Variants in UST observed in about 807,000 individuals in gnomAD.
UST encodes the protein chondroitin sulfate 2-O-sulfotransferase.
UST carries 21 observed loss-of-function variants against 45.6 expected under a neutral mutation model. The observed-to-expected ratio is 0.46, with a 90% confidence interval of 0.33 to 0.66. UST has a LOEUF of 0.66. Ranked by LOEUF, UST falls within the 30% of genes least tolerant of loss-of-function variation. UST has a pLI of 0.02. For missense variants in UST, 463 were observed against 512.4 expected (o/e 0.90, Z 0.93); for synonymous variants, 215 against 200.6 (o/e 1.07, Z -0.61).
At chr6:148,982,448 T>G (rs992626341) in intron 5 of UST, among the ~76,000 whole-genome samples, 4 of 152,090 alleles carry the variant, frequency 2.6e-5, no homozygotes, top group Admixed American at 6.5e-5. Flanking sequence ...AGGGAAGAGA[T>G]CCCATGGCCC....
chr6:148,792,312 C>T (rs1478272488), intron 1 of UST, among the ~76,000 whole-genome samples: 1 of 152,158 alleles, frequency 6.6e-6, no homozygotes, highest in Non-Finnish European at 1.5e-5. Context: ...GACCAAAAAG[C>T]AAGAGGCTGC....
At chr6:148,823,018 G>T (rs1264497894) in intron 1 of UST, among the ~76,000 whole-genome samples, 1 of 152,200 alleles carries the variant, frequency 6.6e-6, no homozygotes, top group Non-Finnish European at 1.5e-5. Flanking sequence ...GTGGGTATAT[G>T]TGCACATGTG....
In UST at chr6:148,772,877, A is replaced by G. The variant is rs539207012; in HGVS notation, c.247+25200A>G. Among the ~76,000 whole-genome samples the G allele has an allele frequency of 5.9e-5, 9 of 152,314 alleles. No individual in the cohort carries two copies. In the East Asian group the frequency reaches 1.4e-3, roughly 23 times the overall value. On this transcript the variant is annotated intron_variant, in intron 1 of 7. Coordinates refer to ENST00000367463, the MANE Select transcript of UST (RefSeq NM_005715.3). The stretch of plus-strand genomic sequence containing the variant: ...TAAGAAAAGATCAAACATACTTCCA[A>G]TTTTACAATAGTTGTCAATTAGAGG...
intron 1 of UST, among the ~76,000 whole-genome samples, chr6:148,780,214 T>A (rs6920122): frequency 0.61 from 93,025 of 151,822 alleles, 28,652 homozygotes; most frequent in Middle Eastern, 0.7. Flanking sequence ...CATTTTAAAA[T>A]AGTAAATGGA....
intron 3 of UST, among the ~76,000 whole-genome samples, chr6:148,947,289 A>G (rs949645312): frequency 7.9e-5 from 12 of 152,196 alleles, no homozygotes; most frequent in African/African-American, 2.4e-4. Flanking sequence ...TAGCGTTCCA[A>G]TAATGGAACA....
intron 2 of UST, among the ~76,000 whole-genome samples, chr6:148,936,491 G>A (rs1348531905): frequency 1.4e-5 from 2 of 147,798 alleles, no homozygotes; most frequent in African/African-American, 5.0e-5. Context: ...GTTTCATTCT[G>A]TATTGTTAAA....
chr6:148,817,883 A>G (rs541030163), intron 1 of UST, among the ~76,000 whole-genome samples: 2 of 152,312 alleles, frequency 1.3e-5, no homozygotes, highest in African/African-American at 4.8e-5. Flanking sequence ...TCATTCAGAC[A>G]GATGGGGGAC....
chr6:148,846,260 T>C (rs1453656582), intron 1 of UST, among the ~76,000 whole-genome samples: 1 of 151,474 alleles, frequency 6.6e-6, no homozygotes, highest in East Asian at 1.9e-4. Context: ...TGGAATACTA[T>C]GCAGCCATAA....
chr6:148,853,472 T>C (rs571455418), intron 1 of UST, among the ~76,000 whole-genome samples: 2 of 152,354 alleles, frequency 1.3e-5, no homozygotes, highest in South Asian at 4.1e-4. Context: ...TTTGGGTGTA[T>C]ACCCAGTAAA....
At chr6:148,910,971 C>T (rs1360831444) in intron 2 of UST, among the ~76,000 whole-genome samples, 5 of 152,136 alleles carry the variant, frequency 3.3e-5, no homozygotes, top group Non-Finnish European at 7.3e-5. Context: ...CTTGTCCAGG[C>T]GCTGTCCTCT....
At chr6:148,819,940 C>T (rs866387930) in intron 1 of UST, among the ~76,000 whole-genome samples, 2 of 152,284 alleles carry the variant, frequency 1.3e-5, no homozygotes, top group Non-Finnish European at 2.9e-5. Context: ...GCTTTTTCCA[C>T]GAGCTGCTAT....
At chr6:148,870,361 G>A (rs1471351289) in intron 1 of UST, among the ~76,000 whole-genome samples, 1 of 152,298 alleles carries the variant, frequency 6.6e-6, no homozygotes, top group East Asian at 1.9e-4. Context: ...AGTTCTGCAC[G>A]CATGTAAGCT....
At chr6:149,008,206 T>C (rs538652675) in intron 5 of UST, among the ~76,000 whole-genome samples, 1 of 152,352 alleles carries the variant, frequency 6.6e-6, no homozygotes, top group African/African-American at 2.4e-5. Context: ...TTTTTAATAT[T>C]TGTAGACATT....
intron 2 of UST, among the ~76,000 whole-genome samples, chr6:148,916,290 G>A (rs1582896101): frequency 6.6e-6 from 1 of 152,310 alleles, no homozygotes; most frequent in South Asian, 2.1e-4. Context: ...GATGCTGCAG[G>A]TAAGAGCTAG....
intron 1 of UST, among the ~76,000 whole-genome samples, chr6:148,873,548 C>G (rs913915500): frequency 6.6e-6 from 1 of 152,268 alleles, no homozygotes; most frequent in East Asian, 1.9e-4. Context: ...ACAGATCAGC[C>G]TCAAAGGGAT....
In UST at chr6:148,747,454, C is replaced by A; in HGVS notation, c.24C>A (p.Pro8=). MKKKQQH[P]GGGADPWPHG... Reference sequence around the variant, plus strand: ...CGATGAAGAAGAAGCAGCAGCATCCCGGCGGCGGCGCGGATCCCTGGCCCC... The same window carrying A: ...CGATGAAGAAGAAGCAGCAGCATCCAGGCGGCGGCGCGGATCCCTGGCCCC... Residue 8 remains proline (P), a synonymous_variant, in exon 1 of 8, where the codon CCC becomes CCA. Transcript: ENST00000367463. 1 of 1,427,766 alleles carries A rather than the reference C, an allele frequency of 7.0e-7. No individual in the cohort carries two copies. The highest frequency in any genetic ancestry group is 9.2e-7 in the Non-Finnish European group (1 of 1,088,592). 88.4% of individuals were successfully genotyped at this position (1,427,766 alleles called of 1,614,324 possible).
intron 2 of UST, among the ~76,000 whole-genome samples, chr6:148,936,439 C>T (rs540016096): frequency 3.5e-4 from 53 of 152,262 alleles, no homozygotes; most frequent in African/African-American, 1.1e-3. Context: ...ATAATTTACA[C>T]TCTTAGAGAA....
At chr6:148,928,496 A>G (rs1442457669) in intron 2 of UST, among the ~76,000 whole-genome samples, 1 of 152,260 alleles carries the variant, frequency 6.6e-6, no homozygotes, top group Non-Finnish European at 1.5e-5. Flanking sequence ...ACTGTTTGAT[A>G]GCCTGAATGT....
intron 2 of UST, among the ~76,000 whole-genome samples, chr6:148,919,737 A>G (rs906927963): frequency 1.1e-4 from 17 of 152,166 alleles, no homozygotes; most frequent in African/African-American, 3.4e-4. Flanking sequence ...CAAGTAATCT[A>G]TGGTCATTAT....
Sources: gnomAD v4.1 joint callset for allele counts (sites outside exome capture counted in the v4.1 genomes callset) on GRCh38, gnomAD v4.1.1 for gene constraint, MANE v1.5 for transcripts, NCBI Gene and HGNC (gene_info 2026-07-23, HGNC 2026-07-21) for gene names.